The following ATAD1 variants were observed in gnomAD, a reference collection of about 807,000 sequenced individuals.
ATAD1 encodes outer mitochondrial transmembrane helix translocase.
A neutral mutation model predicts 42.7 loss-of-function variants in ATAD1; 18 were observed. That is an observed-to-expected ratio of 0.42 (90% CI 0.29 to 0.63). The LOEUF is 0.63. ATAD1 is among the 20% of genes least tolerant of loss of function. ATAD1 has a pLI of 0.19. For synonymous variants in ATAD1, 132 were observed against 143.1 expected (o/e 0.92, Z 0.55); for missense variants, 294 against 440.4 (o/e 0.67, Z 2.98).
At chr10:87,777,420 G>T (rs949075091) in intron 5 of ATAD1, among the ~76,000 whole-genome samples, 8 of 151,994 alleles carry the variant, frequency 5.3e-5, no homozygotes, top group Admixed American at 2.6e-4. Flanking sequence ...ATACCAAAAT[G>T]CTAATTACGT....
chr10:87,790,521 G>A, intron 3 of ATAD1, 91 bp from the exon 4 acceptor site: 1 of 1,290,194 alleles, frequency 7.8e-7, no homozygotes, highest in Non-Finnish European at 1.0e-6. Flanking sequence ...ATGTTAATCT[G>A]ATGATTATAC....
At chr10:87,831,814 T>C (rs1409925887) in intron 1 of ATAD1, among the ~76,000 whole-genome samples, 2 of 152,214 alleles carry the variant, frequency 1.3e-5, no homozygotes, top group Non-Finnish European at 1.5e-5. Context: ...AACAAACACT[T>C]TATATAGTAT....
At chr10:87,818,087 C>T (rs1857512930) in intron 1 of ATAD1, 80 bp downstream of exon 1, 2 of 985,528 alleles carry the variant, frequency 2.0e-6, no homozygotes, top group African/African-American at 1.7e-5. Context: ...CGGGGGTTCC[C>T]AGGTCCGAGA....
At chr10:87,770,421 T>C (rs935027268) in intron 7 of ATAD1, among the ~76,000 whole-genome samples, 3 of 152,176 alleles carry the variant, frequency 2.0e-5, no homozygotes, top group Non-Finnish European at 1.5e-5. Flanking sequence ...TAACAAAAAA[T>C]GCTAGAAAGA....
intron 4 of ATAD1, among the ~76,000 whole-genome samples, chr10:87,785,554 G>A (rs1855784041): frequency 1.3e-5 from 2 of 150,650 alleles, no homozygotes; most frequent in Admixed American, 6.6e-5. Flanking sequence ...TTAATTCAAA[G>A]CTCAACTTTT....
At chr10:87,826,243 T>C (rs1305955420) in intron 1 of ATAD1, among the ~76,000 whole-genome samples, 6 of 152,212 alleles carry the variant, frequency 3.9e-5, no homozygotes, top group South Asian at 2.1e-4. Context: ...GTATACTAAA[T>C]TGGCAGGGAT....
chr10:87,754,502 A>AT lies in ATAD1; in HGVS notation c.*184dup. 1 of 599,686 alleles carries AT rather than the reference A, an allele frequency of 1.7e-6. No individual in the cohort carries two copies. The highest frequency in any genetic ancestry group is 2.5e-6 in the Non-Finnish European group (1 of 399,402). The allele number at this position is 599,686 out of a possible 1,614,324, so 37.1% of individuals were successfully genotyped here. A position where few individuals can be genotyped will look rare whatever the true frequency, so the allele number is the denominator to read the frequency against. On this transcript the variant is annotated 3_prime_UTR_variant, in exon 10 of 10. Coordinates refer to ENST00000680024, the MANE Select transcript of ATAD1 (RefSeq NM_001321967.2). ...CTGGATTCAACTGTTCCTCCTCATG[A>AT]TTTTTGACCAACAGTAATACCACCT...
At chr10:87,831,108 G>A (rs553191522) in intron 1 of ATAD1, among the ~76,000 whole-genome samples, 1 of 152,296 alleles carries the variant, frequency 6.6e-6, no homozygotes, top group Non-Finnish European at 1.5e-5. Context: ...ATAAAAAAGG[G>A]ATAGTGTCTA....
intron 1 of ATAD1, among the ~76,000 whole-genome samples, chr10:87,828,490 G>A (rs1324477983): frequency 2.0e-5 from 3 of 152,186 alleles, no homozygotes; most frequent in Non-Finnish European, 4.4e-5. Flanking sequence ...AGCTAGCAGA[G>A]GTTAGTTCAT....
At chr10:87,831,666 A>G (rs778282020) in intron 1 of ATAD1, among the ~76,000 whole-genome samples, 25 of 152,232 alleles carry the variant, frequency 1.6e-4, no homozygotes, top group Non-Finnish European at 2.5e-4. Context: ...TTTAACTTGT[A>G]TCATATTTAT....
intron 2 of ATAD1, among the ~76,000 whole-genome samples, chr10:87,805,149 T>C (rs1310042964): frequency 6.6e-6 from 1 of 152,222 alleles, no homozygotes; most frequent in Non-Finnish European, 1.5e-5. Flanking sequence ...TCTAAGCTTT[T>C]AGATTCAATC....
At chr10:87,764,286 C>T (rs769782695) in intron 8 of ATAD1, among the ~76,000 whole-genome samples, 1 of 151,942 alleles carries the variant, frequency 6.6e-6, no homozygotes, top group African/African-American at 2.4e-5. Flanking sequence ...ATGATGAAAC[C>T]CTGTCTCTAT....
chr10:87,826,108 C>T (rs1857724135), intron 1 of ATAD1, among the ~76,000 whole-genome samples: 1 of 152,092 alleles, frequency 6.6e-6, no homozygotes, highest in Non-Finnish European at 1.5e-5. Flanking sequence ...TTAAAAATCT[C>T]CCATCTTCCC....
At position 87,818,182 on chromosome 10, in the gene ATAD1, G is replaced by C. The variant is rs1857520998; in HGVS notation, c.-29C>G. 5.1e-6 allele frequency: 5 copies of C among 985,594 alleles called. No homozygotes were observed. Among genetic ancestry groups the C allele is most frequent in the Non-Finnish European group, 6.0e-6 (5 of 830,132 alleles). 61.1% of individuals were successfully genotyped at this position (985,594 alleles called of 1,614,324 possible). A position where few individuals can be genotyped will look rare whatever the true frequency, so the allele number is the denominator to read the frequency against. Reference sequence around the variant, plus strand: ...AGCTACTCACCCAGGGGCAGAAACAGCAAGAGCAAGTGCCCTCAGCCGGCC... The same window carrying C: ...AGCTACTCACCCAGGGGCAGAAACACCAAGAGCAAGTGCCCTCAGCCGGCC... On this transcript the variant is annotated 5_prime_UTR_variant, in exon 1 of 10. Transcript: ENST00000680024.
At chr10:87,824,919 C>T (rs1871057) in intron 1 of ATAD1, among the ~76,000 whole-genome samples, 8,306 of 152,206 alleles carry the variant, frequency 0.055, 358 homozygotes, top group Admixed American at 0.12. Context: ...TTCATCCCTA[C>T]GACCCAAAGA....
chr10:87,789,621 C>T (rs1364935535), intron 4 of ATAD1, among the ~76,000 whole-genome samples: 1 of 152,072 alleles, frequency 6.6e-6, no homozygotes, highest in African/African-American at 2.4e-5. Context: ...ACTCAGGAGG[C>T]TCAGGTGGGA....
intron 8 of ATAD1, among the ~76,000 whole-genome samples, chr10:87,761,914 T>C (rs1354035051): frequency 6.6e-6 from 1 of 151,896 alleles, no homozygotes; most frequent in African/African-American, 2.4e-5. Flanking sequence ...ATTTAAATTT[T>C]AAAATTTCTT....
At chr10:87,804,831 C>T (rs1349259212) in intron 2 of ATAD1, among the ~76,000 whole-genome samples, 1 of 152,172 alleles carries the variant, frequency 6.6e-6, no homozygotes, top group Non-Finnish European at 1.5e-5. Context: ...TCTTCTACTA[C>T]ATCTAAATAT....
chr10:87,832,152 C>A (rs1048562182), intron 1 of ATAD1: 2 of 149,538 alleles, frequency 1.3e-5, no homozygotes, highest in Non-Finnish European at 3.0e-5. Context: ...ACTGCAGCCT[C>A]CACCTCCTAG....
Sources: gnomAD v4.1 joint callset for allele counts (sites outside exome capture counted in the v4.1 genomes callset) on GRCh38, gnomAD v4.1.1 for gene constraint, MANE v1.5 for transcripts, NCBI Gene and HGNC (gene_info 2026-07-23, HGNC 2026-07-21) for gene names.